The following FBXL17 variants were observed in gnomAD, a reference collection of about 807,000 sequenced individuals.
FBXL17 encodes F-box and leucine rich repeat protein 17.
A neutral mutation model predicts 66.2 loss-of-function variants in FBXL17; 22 were observed. The observed-to-expected ratio is 0.33, with a 90% CI of 0.24 to 0.47. The LOEUF is 0.47. FBXL17 is among the 20% of genes least tolerant of loss of function. The pLI is 1.00. For synonymous variants in FBXL17, 474 were observed against 400.5 expected (o/e 1.18, Z -2.19); for missense variants, 878 against 948.2 (o/e 0.93, Z 0.97).
At chr5:108,109,026 G>A (rs1005477626) in intron 6 of FBXL17, among the ~76,000 whole-genome samples, 4 of 152,004 alleles carry the variant, frequency 2.6e-5, no homozygotes, top group Admixed American at 6.6e-5. Flanking sequence ...CAGGTGATCC[G>A]CCCACCTCGG....
rs111479844 is a variant in FBXL17 at position 108,045,504 on chromosome 5, C to T, written c.1746-24503G>A. 1.2e-3 allele frequency among the ~76,000 whole-genome samples: 179 copies of T among 152,246 alleles called. 2 individuals are homozygous for T. Among genetic ancestry groups the T allele is most frequent in the African/African-American group, 4.0e-3 (166 of 41,542 alleles). On this transcript the variant is annotated intron_variant, in intron 6 of 8. Transcript: ENST00000542267. ...TCCTTCTGCTAGTGTTGGCTTTACA[C>T]TGCTCTTCTTTTTCTAGCGTCTTGA...
chr5:108,196,174 C>A (rs1753673496), intron 5 of FBXL17, among the ~76,000 whole-genome samples: 1 of 150,674 alleles, frequency 6.6e-6, no homozygotes, highest in African/African-American at 2.4e-5. Context: ...ATACATCTCA[C>A]AGTAATAAAA....
intron 4 of FBXL17, among the ~76,000 whole-genome samples, chr5:108,243,534 G>A (rs1336911930): frequency 2.0e-5 from 3 of 152,118 alleles, no homozygotes; most frequent in African/African-American, 7.2e-5. Flanking sequence ...AAGAAAGAGA[G>A]AAGTTAAAGT....
At chr5:107,899,871 T>C (rs1749513864) in intron 7 of FBXL17, among the ~76,000 whole-genome samples, 1 of 152,158 alleles carries the variant, frequency 6.6e-6, no homozygotes, top group Non-Finnish European at 1.5e-5. Context: ...ATTCAGGTGA[T>C]GGGTACACTA....
At chr5:108,158,130 T>C (rs1752065666) in intron 6 of FBXL17, among the ~76,000 whole-genome samples, 1 of 152,114 alleles carries the variant, frequency 6.6e-6, no homozygotes, top group Non-Finnish European at 1.5e-5. Context: ...CTGTCTACTT[T>C]CAAATTCAAG....
In FBXL17 at chr5:107,880,470, C is replaced by T. The variant is rs984506759; in HGVS notation, c.1965+567G>A. The T allele has an allele frequency of 2.1e-5, 21 of 993,222 alleles. No homozygotes were observed. The African/African-American group carries it at 3.5e-4, about 16-fold the overall frequency. 61.5% of individuals were successfully genotyped at this position (993,222 alleles called of 1,614,324 possible). ...ATCCCTGGCTGGTTCTACAGGCCTT[C>T]CACCAGGACCTCTGGAACCACTTCT... On this transcript the variant is annotated intron_variant, in intron 8 of 8. Transcript: ENST00000542267.
At chr5:107,977,947 C>A (rs1457525737) in intron 7 of FBXL17, among the ~76,000 whole-genome samples, 2 of 152,146 alleles carry the variant, frequency 1.3e-5, no homozygotes, top group Non-Finnish European at 2.9e-5. Context: ...TAGCTGGAGA[C>A]CCATGCCTAA....
intron 5 of FBXL17, among the ~76,000 whole-genome samples, chr5:108,203,940 G>GCA (rs1449935529): frequency 2.0e-5 from 3 of 151,912 alleles, no homozygotes; most frequent in Non-Finnish European, 4.4e-5. Flanking sequence ...CCAACCATAA[G>GCA]CACTTTTAAA....
intron 7 of FBXL17, among the ~76,000 whole-genome samples, chr5:107,960,727 G>A (rs1407200437): frequency 1.3e-5 from 2 of 152,118 alleles, no homozygotes; most frequent in Non-Finnish European, 1.5e-5. Context: ...TTGTTCTTGG[G>A]TCTAACTACA....
chr5:108,341,727 T>A (rs1746893740), intron 4 of FBXL17, among the ~76,000 whole-genome samples: 1 of 152,112 alleles, frequency 6.6e-6, no homozygotes, highest in Non-Finnish European at 1.5e-5. Flanking sequence ...CAAATATGAA[T>A]ACTTCCCTAC....
At chr5:108,380,529 A>G (rs1044798673) in intron 1 of FBXL17, among the ~76,000 whole-genome samples, 170 bp downstream of exon 1, 3 of 152,102 alleles carry the variant, frequency 2.0e-5, no homozygotes, top group Non-Finnish European at 4.4e-5. Flanking sequence ...ACTTCAAAAA[A>G]TAGGCCATAG....
intron 7 of FBXL17, among the ~76,000 whole-genome samples, chr5:107,959,823 C>T (rs1050812269): frequency 3.3e-5 from 5 of 152,142 alleles, no homozygotes; most frequent in African/African-American, 1.2e-4. Context: ...TTCTTTGAAA[C>T]TTTGTTTTCT....
chr5:107,929,836 G>A (rs1426096658), intron 7 of FBXL17, among the ~76,000 whole-genome samples: 1 of 151,662 alleles, frequency 6.6e-6, no homozygotes, highest in Non-Finnish European at 1.5e-5. Context: ...GTCTAGGACG[G>A]GAGAAGAGAT....
At chr5:107,940,343 C>T (rs1292409561) in intron 7 of FBXL17, among the ~76,000 whole-genome samples, 1 of 152,040 alleles carries the variant, frequency 6.6e-6, no homozygotes, top group African/African-American at 2.4e-5. Context: ...AATCCAACTA[C>T]CACATAAACT....
intron 4 of FBXL17, among the ~76,000 whole-genome samples, chr5:108,345,342 GA>G (rs566110137): frequency 1.3e-4 from 18 of 138,300 alleles, no homozygotes; most frequent in South Asian, 4.6e-4. Flanking sequence ...ATCTCAAAAA[GA>G]AAAAAAAAAG....
At chr5:107,962,429 C>T (rs1328013035) in intron 7 of FBXL17, among the ~76,000 whole-genome samples, 1 of 152,100 alleles carries the variant, frequency 6.6e-6, no homozygotes, top group African/African-American at 2.4e-5. Flanking sequence ...AGACCAGCTA[C>T]ACAACACATG....
intron 6 of FBXL17, among the ~76,000 whole-genome samples, chr5:108,032,176 A>C (rs1194192157): frequency 6.6e-6 from 1 of 152,142 alleles, no homozygotes; most frequent in Non-Finnish European, 1.5e-5. Context: ...GAAAACTAGC[A>C]CTCTGGGGCT....
At chr5:108,032,825 A>C (rs1224336656) in intron 6 of FBXL17, among the ~76,000 whole-genome samples, 2 of 152,318 alleles carry the variant, frequency 1.3e-5, no homozygotes, top group East Asian at 3.9e-4. Flanking sequence ...GGAAACTAAT[A>C]CAGTGTCTAA....
chr5:108,349,272 T>C (rs867096709), intron 3 of FBXL17, among the ~76,000 whole-genome samples: 3 of 152,352 alleles, frequency 2.0e-5, no homozygotes, highest in South Asian at 2.1e-4. Context: ...AAATTATGCA[T>C]ATTTAAATAC....
Sources: gnomAD v4.1 joint callset for allele counts (sites outside exome capture counted in the v4.1 genomes callset) on GRCh38, gnomAD v4.1.1 for gene constraint, MANE v1.5 for transcripts, NCBI Gene and HGNC (gene_info 2026-07-23, HGNC 2026-07-21) for gene names.